Variants in EFR3B observed in about 807,000 individuals in gnomAD.
EFR3B encodes protein EFR3 homolog B.
EFR3B carries 64 observed loss-of-function variants against 104.7 expected under a neutral mutation model. The ratio of observed to expected loss-of-function variants is 0.61; its 90% CI spans 0.50 to 0.75. EFR3B has a LOEUF of 0.75. EFR3B is among the 30% of genes least tolerant of loss of function. EFR3B has a pLI of 0.00. For missense variants in EFR3B, 750 were observed against 1,078.5 expected, an observed-to-expected ratio of 0.70 and a Z score of 4.27; for synonymous variants, 385 against 417.9, an observed-to-expected ratio of 0.92 and a Z score of 0.96.
chr2:25,047,623 C>A (rs780618486), intron 1 of EFR3B, among the ~76,000 whole-genome samples: 4 of 151,962 alleles, frequency 2.6e-5, no homozygotes, highest in African/African-American at 9.7e-5. Flanking sequence ...CTCAGCCTCC[C>A]GAGTAGCTGG....
Position 25,154,345 on chromosome 2 carries a change from C to T in EFR3B, c.*5C>T. On this transcript the variant is annotated 3_prime_UTR_variant, in exon 23 of 23. Coordinates refer to ENST00000403714, the MANE Select transcript of EFR3B (RefSeq NM_014971.2). This position sits in a 1 kb window ranked among gnomAD's most constrained non-coding sequence, Gnocchi z 4.1. ...CCCGATCTGTGTGTATACTGAATTC[C>T]AAGAGCCTGAGCTCCTCAAGGAGAT... The T allele has an allele frequency of 6.4e-7, 1 of 1,551,698 alleles. No individual in the cohort carries two copies. The highest frequency in any genetic ancestry group is 8.7e-7 in the Non-Finnish European group (1 of 1,146,684).
At chr2:25,087,467 CT>C (rs1163357131) in intron 1 of EFR3B, among the ~76,000 whole-genome samples, 5 of 150,426 alleles carry the variant, frequency 3.3e-5, no homozygotes, top group Admixed American at 2.6e-4. Flanking sequence ...TTGACGGCGC[CT>C]TTTGAAGAGC....
At chr2:25,091,694 GTC>G (rs1669128976) in intron 2 of EFR3B, among the ~76,000 whole-genome samples, 1 of 152,252 alleles carries the variant, frequency 6.6e-6, no homozygotes, top group Non-Finnish European at 1.5e-5. Context: ...TCTCCTGCAT[GTC>G]TCTCTGTGTG....
rs1422485721 is a variant in EFR3B, at chr2:25,114,665, C to T, written c.364-7008C>T. ...CTACCCTTGGTTCAAGCCCAAACCA[C>T]CCCAGTTCTCCCCTTCAGAGGAAGT... is the stretch of plus-strand genomic sequence containing the variant. On this transcript the variant is annotated intron_variant, in intron 4 of 22. Coordinates refer to ENST00000403714, the MANE Select transcript of EFR3B (RefSeq NM_014971.2). The surrounding 1 kb of genome is among the most constrained non-coding windows in gnomAD (Gnocchi z 4.0). Among the ~76,000 whole-genome samples the T allele has an allele frequency of 6.6e-6, 1 of 152,176 alleles. No homozygotes were observed. The highest frequency in any genetic ancestry group is 1.5e-5 in the Non-Finnish European group (1 of 68,024).
chr2:25,104,485 T>C (rs1669510351), intron 4 of EFR3B, among the ~76,000 whole-genome samples: 1 of 152,192 alleles, frequency 6.6e-6, no homozygotes, highest in Admixed American at 6.5e-5. Flanking sequence ...TTTTTACTAA[T>C]AGAATTTTTC....
intron 4 of EFR3B, among the ~76,000 whole-genome samples, chr2:25,106,456 ATTTT>A (rs35899048): frequency 1.5e-5 from 2 of 129,728 alleles, no homozygotes. Context: ...TGCCCAGCTA[ATTTT>A]TTTTTTTTTT....
At chr2:25,082,753 C>G (rs1460249483) in intron 1 of EFR3B, among the ~76,000 whole-genome samples, 3 of 152,190 alleles carry the variant, frequency 2.0e-5, no homozygotes, top group Admixed American at 2.0e-4. Context: ...ACAAAGGTCT[C>G]ACTCTTGAGG....
chr2:25,101,030 T>G (rs1429865434), intron 3 of EFR3B, among the ~76,000 whole-genome samples: 1 of 152,232 alleles, frequency 6.6e-6, no homozygotes, highest in Non-Finnish European at 1.5e-5. Flanking sequence ...ATTTGTGCCA[T>G]CAGGTTTCTA....
intron 5 of EFR3B, among the ~76,000 whole-genome samples, chr2:25,126,435 C>T (rs912633060): frequency 1.3e-5 from 2 of 151,962 alleles, no homozygotes; most frequent in Non-Finnish European, 2.9e-5. Flanking sequence ...TCTCCGCTTA[C>T]TGTAACCTCC....
intron 1 of EFR3B, among the ~76,000 whole-genome samples, chr2:25,061,130 T>C (rs1668181823): frequency 6.6e-6 from 1 of 151,244 alleles, no homozygotes; most frequent in South Asian, 2.1e-4. Context: ...GAGGTTGATT[T>C]TTTTTTTTTT....
chr2:25,088,014 T>G (rs1669007917), intron 1 of EFR3B, among the ~76,000 whole-genome samples: 1 of 152,208 alleles, frequency 6.6e-6, no homozygotes, highest in Non-Finnish European at 1.5e-5. Context: ...TTTTTGCATG[T>G]GGATGTCCAG....
intron 5 of EFR3B, among the ~76,000 whole-genome samples, chr2:25,123,743 G>T (rs61231202): frequency 6.6e-6 from 1 of 152,378 alleles, no homozygotes; most frequent in African/African-American, 2.4e-5. Context: ...GCCCTGCCAA[G>T]CTGTCCCAGG....
chr2:25,120,334 G>A (rs1365921752), intron 4 of EFR3B, among the ~76,000 whole-genome samples: 2 of 149,940 alleles, frequency 1.3e-5, no homozygotes, highest in East Asian at 4.0e-4. Flanking sequence ...CTGGGCAACA[G>A]AGTGAGACTT....
At chr2:25,107,126 A>C (rs1669586508) in intron 4 of EFR3B, among the ~76,000 whole-genome samples, 1 of 152,146 alleles carries the variant, frequency 6.6e-6, no homozygotes, top group Non-Finnish European at 1.5e-5. Context: ...GCCCCTGTGC[A>C]TCTATTAATA....
Position 25,131,542 on chromosome 2 carries a change from G to A in EFR3B, c.985+39G>A, listed in dbSNP as rs1011724398. 2.6e-6 allele frequency: 4 copies of A among 1,544,214 alleles called. No individual in the cohort carries two copies. Among genetic ancestry groups the A allele is most frequent in the African/African-American group, 2.7e-5 (2 of 72,962 alleles). ...CTAGGGCCTGAGGGCCGGGGACCCC[G>A]CGGAGGCTGCCGCCTCTTACAGAGA... is the stretch of plus-strand genomic sequence containing the variant. On this transcript the variant is annotated intron_variant, in intron 9 of 22. Transcript: ENST00000403714. The surrounding 1 kb of genome is among the most constrained non-coding windows in gnomAD (Gnocchi z 7.6).
intron 1 of EFR3B, among the ~76,000 whole-genome samples, chr2:25,068,816 C>A (rs949617757): frequency 6.6e-6 from 1 of 151,418 alleles, no homozygotes; most frequent in East Asian, 1.9e-4. Flanking sequence ...TTTTTAGTAG[C>A]GATGGGGTTT....
intron 1 of EFR3B, among the ~76,000 whole-genome samples, chr2:25,060,732 A>C (rs911795654): frequency 3.9e-5 from 6 of 152,052 alleles, no homozygotes; most frequent in Non-Finnish European, 5.9e-5. Flanking sequence ...CATCATGGCT[A>C]ACACAGCGAA....
At chr2:25,073,532 A>G (rs892255573) in intron 1 of EFR3B, among the ~76,000 whole-genome samples, 3 of 151,550 alleles carry the variant, frequency 2.0e-5, no homozygotes, top group Non-Finnish European at 4.4e-5. Context: ...TAATTTTTGT[A>G]TTTTTTGTAG....
At chr2:25,149,935 T>C (rs1276198121) in intron 20 of EFR3B, among the ~76,000 whole-genome samples, 193 bp downstream of exon 20, 2 of 152,146 alleles carry the variant, frequency 1.3e-5, no homozygotes, top group Non-Finnish European at 2.9e-5. Flanking sequence ...GCTCTCCTGA[T>C]GGGGGTCAGT....
Sources: allele counts gnomAD v4.1 joint callset (sites outside exome capture counted in the v4.1 genomes callset), GRCh38; gene constraint gnomAD v4.1.1; non-coding constraint Gnocchi (gnomAD v3.1); transcripts MANE v1.5; gene names NCBI Gene and HGNC (gene_info 2026-07-23, HGNC 2026-07-21).